The following COP1 variants were observed in gnomAD, a reference collection of about 807,000 sequenced individuals.
COP1 encodes the protein E3 ubiquitin-protein ligase COP1.
Under a neutral mutation model 101.3 loss-of-function variants are expected in COP1, and 24 were observed. That is an observed-to-expected ratio of 0.24 (90% CI 0.17 to 0.33). The LOEUF is 0.33. COP1 is among the 10% of genes least tolerant of loss of function. COP1 has a pLI of 1.00. For missense variants in COP1, 663 were observed against 906.2 expected, an observed-to-expected ratio of 0.73 and a Z score of 3.45; for synonymous variants, 347 against 341.9, an observed-to-expected ratio of 1.01 and a Z score of -0.17.
chr1:176,033,228 A>G (rs1025546723), intron 14 of COP1, among the ~76,000 whole-genome samples: 1 of 152,122 alleles, frequency 6.6e-6, no homozygotes, highest in South Asian at 2.1e-4. Flanking sequence ...CCTGACCAAC[A>G]TGGTGAAATC....
chr1:176,167,337 C>T (rs1695295839), intron 3 of COP1, among the ~76,000 whole-genome samples: 1 of 152,164 alleles, frequency 6.6e-6, no homozygotes, highest in African/African-American at 2.4e-5. Flanking sequence ...TAGATTAAAG[C>T]ATTTAATGAT....
At chr1:176,204,272 G>C (rs1388236805) in intron 1 of COP1, among the ~76,000 whole-genome samples, 1 of 152,100 alleles carries the variant, frequency 6.6e-6, no homozygotes, top group Non-Finnish European at 1.5e-5. Flanking sequence ...TCACAGAATT[G>C]TTCTAAGGAT....
intron 14 of COP1, among the ~76,000 whole-genome samples, chr1:176,033,462 G>A (rs752920334): frequency 1.9e-4 from 29 of 151,880 alleles, no homozygotes; most frequent in Non-Finnish European, 4.1e-4. Context: ...AGGAAATCTG[G>A]AATGAAGAAG....
At chr1:176,125,623 A>G in intron 8 of COP1, among the ~76,000 whole-genome samples, 1 of 152,140 alleles carries the variant, frequency 6.6e-6, no homozygotes, top group South Asian at 2.1e-4. Flanking sequence ...TTTGGTTACT[A>G]TAGCTATATA....
At chr1:176,111,693 GA>G (rs1223604044) in intron 9 of COP1, among the ~76,000 whole-genome samples, 3 of 151,908 alleles carry the variant, frequency 2.0e-5, no homozygotes, top group South Asian at 4.2e-4. Context: ...TTATTTATAC[GA>G]AAAAAACTGT....
chr1:176,101,614 G>A (rs1041300564), intron 9 of COP1, among the ~76,000 whole-genome samples: 1 of 152,168 alleles, frequency 6.6e-6, no homozygotes, highest in African/African-American at 2.4e-5. Context: ...GTAAAAGTTT[G>A]TTTTACTAGT....
At chr1:176,143,289 A>T (rs1309781874) in intron 6 of COP1, among the ~76,000 whole-genome samples, 1 of 152,146 alleles carries the variant, frequency 6.6e-6, no homozygotes, top group Non-Finnish European at 1.5e-5. Flanking sequence ...GACTAGAAAA[A>T]ATTTAACAAA....
intron 5 of COP1, among the ~76,000 whole-genome samples, chr1:176,155,765 G>A (rs1425682225): frequency 6.6e-6 from 1 of 152,028 alleles, no homozygotes; most frequent in Non-Finnish European, 1.5e-5. Context: ...AAAGCAGTTA[G>A]AGAGAAAAAC....
chr1:176,125,418 G>C (rs897672720), intron 8 of COP1, among the ~76,000 whole-genome samples: 1 of 152,084 alleles, frequency 6.6e-6, no homozygotes, highest in African/African-American at 2.4e-5. Context: ...TTTGCAGCAG[G>C]AATCAAGTTT....
intron 18 of COP1, among the ~76,000 whole-genome samples, chr1:175,986,680 C>T (rs1268739195): frequency 1.3e-5 from 2 of 152,098 alleles, no homozygotes; most frequent in Non-Finnish European, 2.9e-5. Flanking sequence ...GAGATATGAA[C>T]AGACAATATG....
At chr1:176,133,043 T>G (rs1689132259) in intron 8 of COP1, among the ~76,000 whole-genome samples, 1 of 99,472 alleles carries the variant, frequency 1.0e-5, no homozygotes. Flanking sequence ...GTATATATAC[T>G]ATATATACAC....
At chr1:176,179,570 A>C (rs764111069) in intron 2 of COP1, among the ~76,000 whole-genome samples, 84 of 151,890 alleles carry the variant, frequency 5.5e-4, no homozygotes, top group Non-Finnish European at 1.6e-4. Context: ...CCCAACTCTA[A>C]AAAAATTTTA....
At chr1:176,063,254 G>A (rs975481887) in intron 11 of COP1, among the ~76,000 whole-genome samples, 32 of 151,580 alleles carry the variant, frequency 2.1e-4, no homozygotes, top group Admixed American at 2.0e-3. Flanking sequence ...TAGAGACGGG[G>A]TTTCACCTTG....
At chr1:176,109,503 T>G (rs964113585) in intron 9 of COP1, among the ~76,000 whole-genome samples, 1 of 152,206 alleles carries the variant, frequency 6.6e-6, no homozygotes, top group Non-Finnish European at 1.5e-5. Context: ...TACATTTTAA[T>G]AGTTGATGAG....
chr1:176,128,869 C>T (rs905780109), intron 8 of COP1, among the ~76,000 whole-genome samples: 9 of 151,970 alleles, frequency 5.9e-5, no homozygotes, highest in African/African-American at 2.2e-4. Context: ...AAGCAGCAGA[C>T]ATTGACAATG....
intron 5 of COP1, among the ~76,000 whole-genome samples, chr1:176,153,803 G>A (rs1299413768): frequency 1.3e-5 from 2 of 152,126 alleles, no homozygotes; most frequent in Non-Finnish European, 2.9e-5. Context: ...ATGAAGGAGG[G>A]CTGAATTTTG....
At chr1:175,951,004 G>A (rs1259991316) in intron 18 of COP1, among the ~76,000 whole-genome samples, 1 of 152,192 alleles carries the variant, frequency 6.6e-6, no homozygotes, top group Non-Finnish European at 1.5e-5. Context: ...CCAGCACTTT[G>A]GGAGGCCAAG....
intron 11 of COP1, among the ~76,000 whole-genome samples, chr1:176,071,162 A>C (rs1308128754): frequency 5.3e-5 from 8 of 152,144 alleles, no homozygotes; most frequent in Non-Finnish European, 8.8e-5. Context: ...GCTTGGTGCT[A>C]TCTTCATGAT....
At chr1:175,989,248 A>G (rs1657841257) in intron 16 of COP1, 114 bp downstream of exon 16, 5 of 536,144 alleles carry the variant, frequency 9.3e-6, no homozygotes, top group Admixed American at 5.9e-5. Flanking sequence ...TATTTAAGAA[A>G]AAGTACATAT....
Sources: gnomAD v4.1 joint callset for allele counts (sites outside exome capture counted in the v4.1 genomes callset) on GRCh38, gnomAD v4.1.1 for gene constraint, MANE v1.5 for transcripts, NCBI Gene and HGNC (gene_info 2026-07-23, HGNC 2026-07-21) for gene names.